SNAPC3: variants seen among roughly 807,000 people sequenced by gnomAD.
The protein encoded by SNAPC3 is small nuclear RNA activating complex polypeptide 3.
Under a neutral mutation model 47.7 loss-of-function variants are expected in SNAPC3, and 56 were observed. The ratio of observed to expected loss-of-function variants is 1.18; its 90% CI spans 0.95 to 1.47. The LOEUF (loss-of-function observed/expected upper bound fraction) is 1.47. Ranked by LOEUF, SNAPC3 falls within the 40% of genes most tolerant of loss-of-function variation. SNAPC3 has a pLI of 0.00. For missense variants in SNAPC3, 665 were observed against 511.3 expected, an observed-to-expected ratio of 1.30 and a Z score of -2.90; for synonymous variants, 235 against 189.9, an observed-to-expected ratio of 1.24 and a Z score of -1.95.
intron 3 of SNAPC3, among the ~76,000 whole-genome samples, chr9:15,434,416 T>A (rs1308133145): frequency 1.3e-5 from 2 of 151,646 alleles, no homozygotes; most frequent in African/African-American, 4.8e-5. Context: ...TGGCTTTTTT[T>A]TTTTTTTTTG....
intron 5 of SNAPC3, among the ~76,000 whole-genome samples, chr9:15,447,480 C>A (rs373139367): frequency 6.6e-6 from 1 of 151,470 alleles, no homozygotes; most frequent in African/African-American, 2.4e-5. Context: ...GAGACTTTTC[C>A]TTCTGGGCTA....
chr9:15,448,801 T>G (rs1411673894), intron 5 of SNAPC3, among the ~76,000 whole-genome samples: 1 of 152,166 alleles, frequency 6.6e-6, no homozygotes, highest in Non-Finnish European at 1.5e-5. Flanking sequence ...GAGCAGGAAA[T>G]ACGAGATTTA....
intron 7 of SNAPC3, among the ~76,000 whole-genome samples, chr9:15,454,791 A>C (rs549787605): frequency 6.6e-6 from 1 of 152,238 alleles, no homozygotes; most frequent in East Asian, 1.9e-4. Context: ...AAAATTAGCC[A>C]GGCGTGGTGG....
At chr9:15,432,500 TGTG>T (rs1302063260) in intron 2 of SNAPC3, among the ~76,000 whole-genome samples, 5 of 152,142 alleles carry the variant, frequency 3.3e-5, no homozygotes, top group Admixed American at 2.6e-4. Context: ...TTGAGCATCT[TGTG>T]GTGCCGGAAA....
At chr9:15,449,561 A>AT (rs1216051655) in intron 5 of SNAPC3, among the ~76,000 whole-genome samples, 84 of 43,278 alleles carry the variant, frequency 1.9e-3, no homozygotes, top group African/African-American at 5.5e-3. Flanking sequence ...ATATATATAT[A>AT]TATTTTTTTT....
At chr9:15,431,677 C>G (rs980208302) in intron 2 of SNAPC3, among the ~76,000 whole-genome samples, 1 of 152,098 alleles carries the variant, frequency 6.6e-6, no homozygotes, top group Non-Finnish European at 1.5e-5. Flanking sequence ...GGGAGTGACA[C>G]TTTTGACTCT....
At chr9:15,465,915 A>G (rs559781458), downstream of SNAPC3, 7 of 212,076 alleles carry the variant, frequency 3.3e-5, no homozygotes, top group Middle Eastern at 1.7e-3. Context: ...TGATACCAAC[A>G]TATTTCAAAA....
Position 15,459,717 on chromosome 9 carries a change from A to G in SNAPC3, c.1089-2A>G. ...ATGTACTTCTTTTTTTAAAAACTAC[A>G]GATGGGTGACGAACAATGACAGTTT... is the stretch of plus-strand genomic sequence containing the variant. On this transcript the variant is annotated splice_acceptor_variant, in intron 8 of 8. Coordinates refer to ENST00000380821, the MANE Select transcript of SNAPC3 (RefSeq NM_001039697.2). LOFTEE classifies it high-confidence loss of function. 6.2e-7 allele frequency: 1 copy of G among 1,611,880 alleles called. No individual in the cohort carries two copies. Among genetic ancestry groups the G allele is most frequent in the Non-Finnish European group, 8.5e-7 (1 of 1,179,086 alleles).
intron 3 of SNAPC3, among the ~76,000 whole-genome samples, chr9:15,439,191 T>C (rs1456040397): frequency 2.6e-5 from 4 of 152,178 alleles, no homozygotes. Flanking sequence ...TTGTATTTTT[T>C]GTAGAGATGG....
downstream of SNAPC3, chr9:15,462,907 A>G (rs1220213167): frequency 6.6e-6 from 1 of 152,222 alleles, no homozygotes; most frequent in Admixed American, 6.5e-5. Context: ...GAGTTAGCAA[A>G]GCCCTCACAG....
chr9:15,425,540 A>C (rs1043169536), intron 2 of SNAPC3, among the ~76,000 whole-genome samples: 1 of 152,104 alleles, frequency 6.6e-6, no homozygotes, highest in East Asian at 1.9e-4. Flanking sequence ...TTAAAAGCCC[A>C]AAGATTCCTT....
chr9:15,427,667 A>G lies in SNAPC3; in HGVS notation c.392+3681A>G, dbSNP rs981233571. On this transcript the variant is annotated intron_variant, in intron 2 of 8. Coordinates refer to ENST00000380821, the MANE Select transcript of SNAPC3 (RefSeq NM_001039697.2). ...CAGCCCTTCAGCAACATTACTTTTA[A>G]TACAATAGAAATTTTAGATTATTCT... Among the ~76,000 whole-genome samples, 5 of 152,186 alleles carry G rather than the reference A, an allele frequency of 3.3e-5. No homozygotes were observed. In the South Asian group the frequency reaches 6.2e-4, roughly 19 times the overall value.
intron 2 of SNAPC3, among the ~76,000 whole-genome samples, chr9:15,429,747 T>C (rs1255746344): frequency 6.6e-6 from 1 of 151,986 alleles, no homozygotes; most frequent in Non-Finnish European, 1.5e-5. Context: ...AATTAGAAAA[T>C]ATTGTGATAG....
At chr9:15,434,887 C>T (rs2032601982) in intron 3 of SNAPC3, among the ~76,000 whole-genome samples, 1 of 152,174 alleles carries the variant, frequency 6.6e-6, no homozygotes, top group African/African-American at 2.4e-5. Flanking sequence ...AATAATGCTG[C>T]TATGAAAATT....
At position 15,423,098 on chromosome 9, in the gene SNAPC3, G is replaced by A. The variant is rs750295441; in HGVS notation, c.219G>A (p.Gly73=). The A allele has an allele frequency of 3.2e-6, 5 of 1,547,454 alleles. No individual in the cohort carries two copies. The highest frequency in any genetic ancestry group is 4.3e-6 in the Non-Finnish European group (5 of 1,156,766). Residue 73 remains glycine (G), a synonymous_variant, in exon 1 of 9, where the codon GGG becomes GGA. Transcript: ENST00000380821. ...AGCCGCCGGCATCCGCTCTGCCTGG[G>A]AGCCAGGCAGCTGACTCCGACCGGG... The part of the protein sequence containing the change: ...LREPPASALP[G]SQAADSDRED...
chr9:15,454,248 AAAAG>A (rs1315927867), intron 7 of SNAPC3, among the ~76,000 whole-genome samples: 2 of 151,918 alleles, frequency 1.3e-5, no homozygotes, highest in Non-Finnish European at 1.5e-5. Flanking sequence ...AAAAAAGAAA[AAAAG>A]AAAGAAGCTG....
At position 15,457,998 on chromosome 9, in the gene SNAPC3, A is replaced by G. The variant is rs374862513; in HGVS notation, c.1019A>G (p.Tyr340Cys). The G allele has an allele frequency of 3.8e-6, 6 of 1,598,402 alleles. No individual in the cohort carries two copies. Among genetic ancestry groups the G allele is most frequent in the African/African-American group, 1.4e-5 (1 of 73,898 alleles). The change falls in exon 8 of 9, where the codon TAT becomes TGT. Residue 340 changes from tyrosine to cysteine, a missense_variant. Coordinates refer to ENST00000380821, the MANE Select transcript of SNAPC3 (RefSeq NM_001039697.2). ...HHDDCLDRTL[Y>C]PLLIKKHWLW... ...GATGACTGCTTGGATAGGACATTGT[A>G]TCCCCTCCTTATCAAGAAGCATTGG... is the stretch of plus-strand genomic sequence containing the variant.
intron 2 of SNAPC3, among the ~76,000 whole-genome samples, chr9:15,432,315 A>G (rs2032262294): frequency 6.6e-6 from 1 of 152,226 alleles, no homozygotes; most frequent in African/African-American, 2.4e-5. Context: ...GTTAGTATAC[A>G]TACATATATT....
downstream of SNAPC3, chr9:15,465,261 C>T (rs1360521140): frequency 7.4e-6 from 3 of 403,208 alleles, no homozygotes; most frequent in African/African-American, 6.3e-5. Context: ...AAATATGCTA[C>T]AACCATGTCT....
Sources: allele counts gnomAD v4.1 joint callset (sites outside exome capture counted in the v4.1 genomes callset), GRCh38; gene constraint gnomAD v4.1.1; transcripts MANE v1.5; gene names NCBI Gene and HGNC (gene_info 2026-07-23, HGNC 2026-07-21).